CLSTN2: variants seen among roughly 807,000 people sequenced by gnomAD.
The protein encoded by CLSTN2 is calsyntenin-2.
In CLSTN2, 48 loss-of-function variants were observed where a neutral mutation model predicts 101.2. That is an observed-to-expected ratio of 0.47 (90% CI 0.38 to 0.60). The LOEUF (loss-of-function observed/expected upper bound fraction) is 0.60, where lower values mean the gene tolerates loss of function less well. Ranked by LOEUF, CLSTN2 falls within the 20% of genes least tolerant of loss-of-function variation. CLSTN2 has a pLI of 0.00. For synonymous variants in CLSTN2, 481 were observed against 463.6 expected, an observed-to-expected ratio of 1.04 and a Z score of -0.48; for missense variants, 1,160 against 1,238.2, an observed-to-expected ratio of 0.94 and a Z score of 0.95.
chr3:140,107,959 A>G (rs16849860), intron 1 of CLSTN2, among the ~76,000 whole-genome samples: 4,150 of 152,312 alleles, frequency 0.027, 181 homozygotes, highest in African/African-American at 0.092. Context: ...GCAATAGGCA[A>G]TTTGGGACCT....
intron 2 of CLSTN2, among the ~76,000 whole-genome samples, chr3:140,361,662 G>A (rs2087731749): frequency 6.6e-6 from 1 of 151,992 alleles, no homozygotes; most frequent in African/African-American, 2.4e-5. Context: ...TTAAAAAGCA[G>A]TTATATTAAT....
Position 140,280,505 on chromosome 3 carries a change from G to A in CLSTN2, c.232+104432G>A, listed in dbSNP as rs138524661. On this transcript the variant is annotated intron_variant, in intron 2 of 16. Coordinates refer to ENST00000458420, the MANE Select transcript of CLSTN2 (RefSeq NM_022131.3). ...GTTTGAGGAGAATTCTTCACACTTC[G>A]GACAGTGAGGAAAGCAATTGGGAAG... 1.7e-3 allele frequency among the ~76,000 whole-genome samples: 253 copies of A among 152,250 alleles called. 2 individuals carry two copies. Among genetic ancestry groups the A allele is most frequent in the Admixed American group, 3.4e-3 (52 of 15,290 alleles).
chr3:140,102,797 C>A (rs1314066152), intron 1 of CLSTN2, among the ~76,000 whole-genome samples: 1 of 152,102 alleles, frequency 6.6e-6, no homozygotes, highest in East Asian at 1.9e-4. Flanking sequence ...TACATGATGA[C>A]CAGTAGTTGA....
At chr3:140,073,632 G>A (rs139059470) in intron 1 of CLSTN2, among the ~76,000 whole-genome samples, 1 of 152,330 alleles carries the variant, frequency 6.6e-6, no homozygotes, top group Non-Finnish European at 1.5e-5. Context: ...TAGAGCACTG[G>A]CGAGGGTGGG....
chr3:140,193,218 G>A (rs1276419100), intron 2 of CLSTN2, among the ~76,000 whole-genome samples: 4 of 112,058 alleles, frequency 3.6e-5, no homozygotes, highest in African/African-American at 1.3e-4. Context: ...TGCTTATCTT[G>A]TTCTTTCTTC....
chr3:140,256,662 G>A (rs910553453), intron 2 of CLSTN2, among the ~76,000 whole-genome samples: 2 of 152,190 alleles, frequency 1.3e-5, no homozygotes, highest in African/African-American at 4.8e-5. Flanking sequence ...TCTAGGAAAG[G>A]AGTGTTCCTC....
At chr3:140,367,682 C>A (rs1318106466) in intron 2 of CLSTN2, among the ~76,000 whole-genome samples, 1 of 152,154 alleles carries the variant, frequency 6.6e-6, no homozygotes, top group Non-Finnish European at 1.5e-5. Flanking sequence ...GGTTGTGGGG[C>A]TCCACAGCAT....
chr3:140,058,435 T>C (rs1162054667), intron 1 of CLSTN2, among the ~76,000 whole-genome samples: 2 of 152,190 alleles, frequency 1.3e-5, no homozygotes, highest in Non-Finnish European at 2.9e-5. Flanking sequence ...GGTGGACAGA[T>C]GCATTGTATG....
intron 10 of CLSTN2, 38 bp from the exon 11 acceptor site, chr3:140,556,475 G>T: frequency 6.2e-7 from 1 of 1,610,828 alleles, no homozygotes; most frequent in South Asian, 1.1e-5. Flanking sequence ...GTACATCACT[G>T]ACCATTCTCT....
At chr3:140,111,799 C>T (rs778194159) in intron 1 of CLSTN2, among the ~76,000 whole-genome samples, 18 of 152,120 alleles carry the variant, frequency 1.2e-4, no homozygotes, top group Non-Finnish European at 1.8e-4. Flanking sequence ...ATAGACTGCC[C>T]CCTCTGCACC....
intron 1 of CLSTN2, among the ~76,000 whole-genome samples, chr3:140,135,968 A>G (rs1173076582): frequency 1.3e-5 from 2 of 152,180 alleles, no homozygotes; most frequent in Non-Finnish European, 2.9e-5. Context: ...TGAGTAAGTC[A>G]TTATTTATCT....
Position 140,238,938 on chromosome 3 carries a change from C to T in CLSTN2, c.232+62865C>T, listed in dbSNP as rs187690479. On this transcript the variant is annotated intron_variant, in intron 2 of 16. Transcript: ENST00000458420. ...AGTTCAGCATTGATGGTGTAATATA[C>T]AATGGATATGGTTCTAAAAGGAAAG... is the stretch of plus-strand genomic sequence containing the variant. 2.5e-4 allele frequency among the ~76,000 whole-genome samples: 38 copies of T among 152,206 alleles called. 1 individual carries two copies. Among genetic ancestry groups the T allele is most frequent in the Admixed American group, 2.4e-3 (36 of 15,276 alleles).
At chr3:140,558,961 G>A (rs1467923481) in intron 12 of CLSTN2, 104 bp downstream of exon 12, 1 of 844,166 alleles carries the variant, frequency 1.2e-6, no homozygotes, top group Admixed American at 2.5e-5. Flanking sequence ...TGTATACATG[G>A]CTTAAATGTA....
chr3:140,437,135 G>A (rs957990954), intron 5 of CLSTN2, among the ~76,000 whole-genome samples: 1 of 149,454 alleles, frequency 6.7e-6, no homozygotes, highest in Non-Finnish European at 1.5e-5. Context: ...TGCAAGGTCT[G>A]CCTCCCAGGT....
At chr3:140,322,821 T>G (rs1402304967) in intron 2 of CLSTN2, among the ~76,000 whole-genome samples, 1 of 152,200 alleles carries the variant, frequency 6.6e-6, no homozygotes, top group Non-Finnish European at 1.5e-5. Context: ...ATCTCCTATT[T>G]GCAAACCAGC....
intron 2 of CLSTN2, among the ~76,000 whole-genome samples, chr3:140,193,034 G>A (rs895381908): frequency 1.3e-5 from 2 of 151,778 alleles, no homozygotes; most frequent in Admixed American, 1.3e-4. Flanking sequence ...TTCAAAAGAT[G>A]TATGGGAATA....
chr3:140,113,195 A>C (rs542989640), intron 1 of CLSTN2, among the ~76,000 whole-genome samples: 1 of 151,656 alleles, frequency 6.6e-6, no homozygotes, highest in African/African-American at 2.4e-5. Flanking sequence ...CCCACTCCCC[A>C]CTCCTGCCCT....
chr3:140,301,902 ATT>A (rs11459920), intron 2 of CLSTN2, among the ~76,000 whole-genome samples: 1 of 146,632 alleles, frequency 6.8e-6, no homozygotes. Context: ...CCATTATAGT[ATT>A]TTTTTTTTTT....
intron 2 of CLSTN2, among the ~76,000 whole-genome samples, chr3:140,229,857 ATGT>A (rs1343237215): frequency 3.9e-5 from 6 of 151,992 alleles, no homozygotes; most frequent in Admixed American, 3.3e-4. Flanking sequence ...CCCTAAGGAG[ATGT>A]TGAGCTTTCA....
Sources: allele counts gnomAD v4.1 joint callset (sites outside exome capture counted in the v4.1 genomes callset), GRCh38; gene constraint gnomAD v4.1.1; transcripts MANE v1.5; gene names NCBI Gene and HGNC (gene_info 2026-07-23, HGNC 2026-07-21).